Variants in CARMIL1 observed in about 807,000 individuals in gnomAD.
CARMIL1 encodes the protein capping protein regulator and myosin 1 linker 1, also known as F-actin-uncapping protein LRRC16A.
In CARMIL1, 90 loss-of-function variants were observed where a neutral mutation model predicts 177.1. The observed-to-expected ratio is 0.51, with a 90% CI of 0.43 to 0.61. The LOEUF (loss-of-function observed/expected upper bound fraction) is 0.61, where lower values mean the gene tolerates loss of function less well. Ranked by LOEUF, CARMIL1 falls within the 20% of genes least tolerant of loss-of-function variation. The probability of loss-of-function intolerance (pLI) is 0.00; values close to 1 mark genes in which losing one functional copy is unlikely to be tolerated. For synonymous variants in CARMIL1, 577 were observed against 606.2 expected, an observed-to-expected ratio of 0.95 and a Z score of 0.71; for missense variants, 1,380 against 1,667.0, an observed-to-expected ratio of 0.83 and a Z score of 3.00.
intron 2 of CARMIL1, among the ~76,000 whole-genome samples, chr6:25,400,839 T>C (rs1231942396): frequency 6.6e-6 from 1 of 152,176 alleles, no homozygotes; most frequent in African/African-American, 2.4e-5. Context: ...ATGAAACATA[T>C]ATAAAGCCTC....
intron 2 of CARMIL1, among the ~76,000 whole-genome samples, chr6:25,288,484 T>G (rs2150136834): frequency 6.6e-6 from 1 of 152,106 alleles, no homozygotes; most frequent in South Asian, 2.1e-4. Flanking sequence ...TCAGGTTTTT[T>G]TTTTTTTTTT....
At position 25,326,302 on chromosome 6, in the gene CARMIL1, G is replaced by A. The variant is rs978876277; in HGVS notation, c.138+41393G>A. Among the ~76,000 whole-genome samples, 2 of 152,198 alleles carry A rather than the reference G, an allele frequency of 1.3e-5. No homozygotes were observed. The highest frequency in any genetic ancestry group is 2.9e-5 in the Non-Finnish European group (2 of 68,044). ...GTGCAAAGGCCCTGAGGAAGTGTGT[G>A]GTTTTAGTGGAGAGCTAAAGAACCA... On this transcript the variant is annotated intron_variant, in intron 2 of 36. Coordinates refer to ENST00000329474, the MANE Select transcript of CARMIL1 (RefSeq NM_017640.6). This position sits in a 1 kb window ranked among gnomAD's most constrained non-coding sequence, Gnocchi z 4.2.
intron 2 of CARMIL1, among the ~76,000 whole-genome samples, chr6:25,382,200 C>T (rs542445669): frequency 1.1e-4 from 16 of 152,180 alleles, no homozygotes; most frequent in African/African-American, 2.6e-4. Flanking sequence ...CTGGTTAAAG[C>T]GATTCTCATG....
chr6:25,373,589 CTTT>C (rs200205287), intron 2 of CARMIL1, among the ~76,000 whole-genome samples: 5 of 141,360 alleles, frequency 3.5e-5, no homozygotes, highest in Non-Finnish European at 7.7e-5. Context: ...CTCTCTCTCT[CTTT>C]TTTTTTTTTT....
chr6:25,592,710 C>T (rs912895380), intron 31 of CARMIL1, among the ~76,000 whole-genome samples: 8 of 152,274 alleles, frequency 5.3e-5, no homozygotes, highest in African/African-American at 1.9e-4. Flanking sequence ...AATTTCCATA[C>T]AGACATAAGC....
At chr6:25,574,825 A>C (rs72839085) in intron 29 of CARMIL1, among the ~76,000 whole-genome samples, 19,046 of 151,682 alleles carry the variant, frequency 0.13, 1,400 homozygotes, top group Middle Eastern at 0.19. Context: ...TCCTCTACTG[A>C]TTGGCTTTTT....
chr6:25,455,240 T>C (rs774768149), intron 8 of CARMIL1, among the ~76,000 whole-genome samples: 1 of 152,226 alleles, frequency 6.6e-6, no homozygotes, highest in Non-Finnish European at 1.5e-5. Context: ...TAGAGAAAGC[T>C]GTACTTGTTT....
Position 25,389,461 on chromosome 6 carries a change from A to T in CARMIL1, c.139-30653A>T, listed in dbSNP as rs530623701. ...CTCCCAAGAAGCTGGGGATACAGGC[A>T]TGTGGCATAGTCAAATTGTTTTGCA... On this transcript the variant is annotated intron_variant, in intron 2 of 36. Coordinates refer to ENST00000329474, the MANE Select transcript of CARMIL1 (RefSeq NM_017640.6). 1.7e-3 allele frequency among the ~76,000 whole-genome samples: 266 copies of T among 152,300 alleles called. 1 individual carries two copies. Among genetic ancestry groups the T allele is most frequent in the African/African-American group, 6.2e-3 (258 of 41,560 alleles).
chr6:25,432,546 T>A (rs1406549365), intron 4 of CARMIL1, among the ~76,000 whole-genome samples: 2 of 152,208 alleles, frequency 1.3e-5, no homozygotes, highest in Non-Finnish European at 2.9e-5. Flanking sequence ...GTGCTCGAGT[T>A]TTATTGCCTT....
chr6:25,297,564 A>G (rs576331652), intron 2 of CARMIL1, among the ~76,000 whole-genome samples: 3 of 152,322 alleles, frequency 2.0e-5, no homozygotes, highest in Admixed American at 6.5e-5. Context: ...AGTTGGTCCA[A>G]TCTTTCCTGT....
In CARMIL1 at chr6:25,609,975, A is replaced by T. The variant is rs11962024; in HGVS notation, c.3848-75A>T. ...TTTTTTAAATGACTTATTTTTATAT[A>T]TAGATTTACCAGGCTTTATGTTCTT... On this transcript the variant is annotated intron_variant, in intron 35 of 36. Coordinates refer to ENST00000329474, the MANE Select transcript of CARMIL1 (RefSeq NM_017640.6). The T allele has an allele frequency of 0.29, 403,166 of 1,389,076 alleles. 59,311 individuals are homozygous for T. The highest frequency in any genetic ancestry group is 0.3 in the Non-Finnish European group (309,249 of 1,045,692). The allele number at this position is 1,389,076 out of a possible 1,614,324, so 86.0% of individuals were successfully genotyped here. A position where few individuals can be genotyped will look rare whatever the true frequency, so the allele number is the denominator to read the frequency against.
chr6:25,408,700 T>C (rs1258575071), intron 2 of CARMIL1, among the ~76,000 whole-genome samples: 3 of 152,100 alleles, frequency 2.0e-5, no homozygotes, highest in Non-Finnish European at 2.9e-5. Context: ...GATTGGATGC[T>C]GTATTGTCCC....
chr6:25,556,665 CT>C, intron 28 of CARMIL1, 35 bp from the exon 29 acceptor site: 1 of 1,587,270 alleles, frequency 6.3e-7, no homozygotes, highest in Non-Finnish European at 8.6e-7. Context: ...TTTCTCTGTA[CT>C]TTAATTTCTC....
intron 2 of CARMIL1, among the ~76,000 whole-genome samples, chr6:25,346,426 G>A (rs1787519466): frequency 6.6e-6 from 1 of 151,912 alleles, no homozygotes; most frequent in Admixed American, 6.6e-5. Context: ...CTTCCTTCAG[G>A]TCTTTCTTCA....
chr6:25,441,628 A>G (rs1797793840), intron 5 of CARMIL1, among the ~76,000 whole-genome samples: 1 of 152,096 alleles, frequency 6.6e-6, no homozygotes, highest in Non-Finnish European at 1.5e-5. Flanking sequence ...TTTAAGTTAA[A>G]TTTAAAAATC....
intron 31 of CARMIL1, among the ~76,000 whole-genome samples, chr6:25,589,620 T>G (rs1814112825): frequency 6.6e-6 from 1 of 152,148 alleles, no homozygotes; most frequent in Non-Finnish European, 1.5e-5. Context: ...CCCAAGTAAC[T>G]GGGATTACAG....
intron 15 of CARMIL1, among the ~76,000 whole-genome samples, chr6:25,493,477 G>A (rs1384662606): frequency 6.6e-6 from 1 of 152,102 alleles, no homozygotes; most frequent in African/African-American, 2.4e-5. Context: ...CTCCAATGTC[G>A]ATGGCTTTCA....
At chr6:25,593,708 A>T (rs1237017776) in intron 31 of CARMIL1, among the ~76,000 whole-genome samples, 2 of 152,170 alleles carry the variant, frequency 1.3e-5, no homozygotes, top group Non-Finnish European at 2.9e-5. Context: ...GGTGAATGCC[A>T]GTGGCCTTCT....
chr6:25,341,534 G>A (rs1409654779), intron 2 of CARMIL1, among the ~76,000 whole-genome samples: 2 of 152,198 alleles, frequency 1.3e-5, no homozygotes, highest in African/African-American at 4.8e-5. Flanking sequence ...GACCAGCCAG[G>A]CCAACATGGT....
Sources: allele counts gnomAD v4.1 joint callset (sites outside exome capture counted in the v4.1 genomes callset), GRCh38; gene constraint gnomAD v4.1.1; non-coding constraint Gnocchi (gnomAD v3.1); transcripts MANE v1.5; gene names NCBI Gene and HGNC (gene_info 2026-07-23, HGNC 2026-07-21).